Variants in PKNOX2 observed in about 807,000 individuals in gnomAD.
PKNOX2 encodes homeobox protein PKNOX2.
Under a neutral mutation model 53.1 loss-of-function variants are expected in PKNOX2, and 14 were observed. The observed-to-expected ratio is 0.26, with a 90% CI of 0.17 to 0.41. PKNOX2 has a LOEUF of 0.41. Among genes scored for constraint, PKNOX2 ranks in the 10% least tolerant of loss-of-function variants. The probability of loss-of-function intolerance (pLI) is 1.00; values close to 1 mark genes in which losing one functional copy is unlikely to be tolerated. For synonymous variants in PKNOX2, 257 were observed against 242.8 expected (o/e 1.06, Z -0.54); for missense variants, 496 against 602.8 (o/e 0.82, Z 1.85).
At chr11:125,252,040 G>T (rs1220633231) in intron 2 of PKNOX2, among the ~76,000 whole-genome samples, 3 of 152,154 alleles carry the variant, frequency 2.0e-5, no homozygotes, top group Non-Finnish European at 4.4e-5. Flanking sequence ...TGACAAGTAA[G>T]CAGGCACCTC....
At chr11:125,309,667 C>T (rs947232954) in intron 2 of PKNOX2, among the ~76,000 whole-genome samples, 15 of 152,114 alleles carry the variant, frequency 9.9e-5, no homozygotes, top group East Asian at 1.9e-4. Context: ...AAATTACAGG[C>T]GTGAGCGACT....
At chr11:125,333,535 G>GACACACACACACACACAC (rs1267319651) in intron 3 of PKNOX2, among the ~76,000 whole-genome samples, 1 of 131,900 alleles carries the variant, frequency 7.6e-6, no homozygotes, top group African/African-American at 3.3e-5. Flanking sequence ...TCAGTCCCAA[G>GACACACACACACACACAC]ACACACACAC....
chr11:125,289,469 G>A (rs1947164374), intron 2 of PKNOX2, among the ~76,000 whole-genome samples: 1 of 152,198 alleles, frequency 6.6e-6, no homozygotes, highest in African/African-American at 2.4e-5. Flanking sequence ...AGGATCAAGT[G>A]AGAACATGGT....
rs1956717789 is a variant in PKNOX2, at chr11:125,431,838, A to T, written c.*446A>T. 6.1e-6 allele frequency: 1 copy of T among 164,470 alleles called. No individual in the cohort carries two copies. Among genetic ancestry groups the T allele is most frequent in the Non-Finnish European group, 1.3e-5 (1 of 75,320 alleles). The allele number at this position is 164,470 out of a possible 1,614,324, so 10.2% of individuals were successfully genotyped here. On this transcript the variant is annotated 3_prime_UTR_variant, in exon 13 of 13. Transcript: ENST00000298282. Reference sequence around the variant, plus strand: ...GAGAGACAAAGGGGGACTGAGTTTCATCCCCAGAAGTTTCTCAGCTCCTTT... The same window carrying T: ...GAGAGACAAAGGGGGACTGAGTTTCTTCCCCAGAAGTTTCTCAGCTCCTTT...
chr11:125,366,265 T>C (rs1476136220), intron 4 of PKNOX2, among the ~76,000 whole-genome samples: 2 of 152,222 alleles, frequency 1.3e-5, no homozygotes, highest in Admixed American at 6.5e-5. Flanking sequence ...GGCACCATGA[T>C]GCTATGTCTA....
chr11:125,379,217 T>C (rs912307002), intron 5 of PKNOX2, among the ~76,000 whole-genome samples: 2 of 151,908 alleles, frequency 1.3e-5, no homozygotes, highest in East Asian at 3.9e-4. Flanking sequence ...CGTGCCACCA[T>C]GTCTGGCTAA....
chr11:125,181,905 T>C (rs1165105435), intron 1 of PKNOX2, among the ~76,000 whole-genome samples: 3 of 152,102 alleles, frequency 2.0e-5, no homozygotes, highest in Non-Finnish European at 4.4e-5. Context: ...GATGACTTCC[T>C]TTCTCTGTCC....
intron 2 of PKNOX2, among the ~76,000 whole-genome samples, chr11:125,278,772 C>T (rs997573226): frequency 3.9e-5 from 6 of 152,170 alleles, no homozygotes; most frequent in African/African-American, 1.4e-4. Flanking sequence ...GTAAAAAAGG[C>T]ATTTAGATAT....
chr11:125,205,893 T>C (rs1285897311), intron 1 of PKNOX2, among the ~76,000 whole-genome samples: 1 of 152,064 alleles, frequency 6.6e-6, no homozygotes, highest in Non-Finnish European at 1.5e-5. Context: ...AAAAGTTAAA[T>C]AATAATGAAG....
chr11:125,368,107 C>T, intron 5 of PKNOX2, 122 bp downstream of exon 5: 2 of 1,225,134 alleles, frequency 1.6e-6, no homozygotes, highest in South Asian at 1.6e-5. Flanking sequence ...TAGCTATTCT[C>T]CCTTGGCCTC....
intron 2 of PKNOX2, among the ~76,000 whole-genome samples, chr11:125,317,541 A>C (rs79487844): frequency 3.3e-5 from 5 of 152,184 alleles, no homozygotes; most frequent in Admixed American, 3.3e-4. Flanking sequence ...CTCCTTGTAC[A>C]TCTCCATCAG....
chr11:125,357,525 A>G (rs182298069), intron 4 of PKNOX2, among the ~76,000 whole-genome samples: 158 of 152,310 alleles, frequency 1.0e-3, no homozygotes, highest in African/African-American at 3.7e-3. Context: ...AACAGCTACA[A>G]AAATAATTAA....
At chr11:125,189,662 G>T (rs181418952) in intron 1 of PKNOX2, among the ~76,000 whole-genome samples, 308 of 151,312 alleles carry the variant, frequency 2.0e-3, no homozygotes, top group South Asian at 4.4e-3. Context: ...GCTTGGCCAT[G>T]CAACTGGAGC....
chr11:125,228,972 T>C, intron 1 of PKNOX2, among the ~76,000 whole-genome samples: 1 of 152,176 alleles, frequency 6.6e-6, no homozygotes, highest in East Asian at 1.9e-4. Flanking sequence ...AAGGGAAGCC[T>C]TCAGCACCTG....
At chr11:125,367,485 G>A (rs184835640) in intron 4 of PKNOX2, among the ~76,000 whole-genome samples, 13 of 152,220 alleles carry the variant, frequency 8.5e-5, no homozygotes, top group Admixed American at 4.6e-4. Context: ...TCAAATCAAC[G>A]CTATGATGGG....
chr11:125,200,110 A>G (rs2135397385), intron 1 of PKNOX2, among the ~76,000 whole-genome samples: 1 of 152,308 alleles, frequency 6.6e-6, no homozygotes, highest in South Asian at 2.1e-4. Context: ...TCTTGCCTTC[A>G]GTGTACAATG....
At chr11:125,390,361 C>CT (rs1351099432) in intron 6 of PKNOX2, among the ~76,000 whole-genome samples, 1 of 152,206 alleles carries the variant, frequency 6.6e-6, no homozygotes, top group African/African-American at 2.4e-5. Flanking sequence ...CTCCAGTGAC[C>CT]ACACCCAAAG....
At chr11:125,264,200 C>A (rs376451886) in intron 2 of PKNOX2, among the ~76,000 whole-genome samples, 1 of 152,098 alleles carries the variant, frequency 6.6e-6, no homozygotes, top group Non-Finnish European at 1.5e-5. Flanking sequence ...GATAAGGAAC[C>A]GGGACCCAGT....
At chr11:125,216,123 G>A (rs1565471485) in intron 1 of PKNOX2, among the ~76,000 whole-genome samples, 1 of 152,194 alleles carries the variant, frequency 6.6e-6, no homozygotes, top group South Asian at 2.1e-4. Flanking sequence ...ATTAAACAAC[G>A]ATATCTATTT....
Sources: gnomAD v4.1 joint callset for allele counts (sites outside exome capture counted in the v4.1 genomes callset) on GRCh38, gnomAD v4.1.1 for gene constraint, MANE v1.5 for transcripts, NCBI Gene and HGNC (gene_info 2026-07-23, HGNC 2026-07-21) for gene names.